The following CACNA1B variants were observed in gnomAD, a reference collection of about 807,000 sequenced individuals.
CACNA1B encodes voltage-dependent N-type calcium channel subunit alpha-1B.
CACNA1B carries 70 observed loss-of-function variants against 247.2 expected under a neutral mutation model. The ratio of observed to expected loss-of-function variants is 0.28; its 90% confidence interval spans 0.23 to 0.35. The LOEUF is 0.35. CACNA1B is among the 10% of genes least tolerant of loss of function. The pLI, the probability that CACNA1B is intolerant of heterozygous loss-of-function variation, is 1.00. For synonymous variants in CACNA1B, 1,231 were observed against 1,294.4 expected (o/e 0.95, Z 1.05); for missense variants, 2,367 against 3,197.4 (o/e 0.74, Z 6.26).
chr9:137,969,706 G>A (rs916119708), intron 10 of CACNA1B, among the ~76,000 whole-genome samples: 1 of 152,202 alleles, frequency 6.6e-6, no homozygotes, highest in Non-Finnish European at 1.5e-5. Flanking sequence ...TCAAAAGTGA[G>A]CGTGGTCAGG....
At chr9:138,006,716 GT>G in intron 15 of CACNA1B, 50 bp from the exon 16 acceptor site, 1 of 1,016,762 alleles carries the variant, frequency 9.8e-7, no homozygotes, top group Non-Finnish European at 1.6e-6. Context: ...GTGCGTGTGT[GT>G]GGGGAAGGCG....
rs199752366 is a variant in CACNA1B at position 138,121,036 on chromosome 9, C to T, written c.6489+155C>T. Among the ~76,000 whole-genome samples the T allele has an allele frequency of 5.3e-5, 8 of 152,190 alleles. No homozygotes were observed. The highest frequency in any genetic ancestry group is 4.1e-4 in the South Asian group (2 of 4,820). On this transcript the variant is annotated intron_variant, in intron 46 of 46. Transcript: ENST00000371372. The surrounding 1 kb of genome is among the most constrained non-coding windows in gnomAD (Gnocchi z 6.8). ...GGGCGCTCCCCTCTGTGCCCTGTCC[C>T]GGAGCCCACGTCTGCAGCCTACCCC...
At chr9:138,112,547 C>G (rs1287064551) in intron 40 of CACNA1B, 42 bp downstream of exon 40, 3 of 1,306,284 alleles carry the variant, frequency 2.3e-6, no homozygotes, top group Middle Eastern at 3.7e-4. Context: ...CCCACCTTTA[C>G]TGTCCCACCC....
chr9:137,977,716 C>T (rs73669812), intron 12 of CACNA1B, among the ~76,000 whole-genome samples: 1,630 of 152,244 alleles, frequency 0.011, 30 homozygotes, highest in African/African-American at 0.037. Context: ...GCACGCCGCC[C>T]CCTGAGGGAG....
chr9:138,043,920 GGT>G lies in CACNA1B; in HGVS notation c.3413+28_3413+29del. 1 of 1,609,770 alleles carries G rather than the reference GGT, an allele frequency of 6.2e-7. No homozygotes were observed. Among genetic ancestry groups the G allele is most frequent in the Non-Finnish European group, 8.5e-7 (1 of 1,176,528 alleles). Reference sequence around the variant, plus strand: ...CAACCTGTGAGTCTCCTTGCCTGCTGGTGTGTGTGGCCGCCCACTCACCCATG... The same window carrying G: ...CAACCTGTGAGTCTCCTTGCCTGCTGGTGTGTGGCCGCCCACTCACCCATG... On this transcript the variant is annotated intron_variant, in intron 21 of 46. Transcript: ENST00000371372.
rs1564887245 is a variant in CACNA1B, at chr9:137,914,940, G to A, written c.775+134G>A. 7.3e-6 allele frequency: 6 copies of A among 818,474 alleles called. No homozygotes were observed. The highest frequency in any genetic ancestry group is 1.1e-5 in the Non-Finnish European group (6 of 536,068). The allele number at this position is 818,474 out of a possible 1,614,324, so 50.7% of individuals were successfully genotyped here. A position where few individuals can be genotyped will look rare whatever the true frequency, so the allele number is the denominator to read the frequency against. Reference sequence around the variant, plus strand: ...GAGGTGGAGCTGACATTCTAGTGGGGGACATAGACGATAGCCTGATAAACA... The same window carrying A: ...GAGGTGGAGCTGACATTCTAGTGGGAGACATAGACGATAGCCTGATAAACA... On this transcript the variant is annotated intron_variant, in intron 5 of 46. Transcript: ENST00000371372. The surrounding 1 kb of genome is among the most constrained non-coding windows in gnomAD (Gnocchi z 4.3).
In CACNA1B at chr9:138,078,120, C is replaced by T; in HGVS notation, c.4956C>T (p.Ala1652=). The change falls in exon 36 of 47, where the codon GCC becomes GCT. Residue 1652 remains alanine (A), a synonymous_variant. Coordinates refer to ENST00000371372, the MANE Select transcript of CACNA1B (RefSeq NM_000718.4). ...ACTCTGCCCTTCTTCTCAGGAGCGC[C>T]ACGGGGGAGGCCTGGCACGAGATCA... The part of the protein sequence containing the change: ...LQALMLLFRS[A]TGEAWHEIML... The T allele has an allele frequency of 4.3e-6, 7 of 1,613,686 alleles. No homozygotes were observed. The highest frequency in any genetic ancestry group is 5.9e-6 in the Non-Finnish European group (7 of 1,179,726).
intron 36 of CACNA1B, among the ~76,000 whole-genome samples, chr9:138,082,791 A>G (rs1960566516): frequency 6.6e-6 from 1 of 151,318 alleles, no homozygotes; most frequent in East Asian, 2.0e-4. Context: ...AAGACAGAAC[A>G]ATGAACAAAA....
chr9:137,984,170 G>T lies in CACNA1B; in HGVS notation c.1689G>T (p.Trp563Cys), dbSNP rs575951400. 1 of 1,603,222 alleles carries T rather than the reference G, an allele frequency of 6.2e-7. No homozygotes were observed. The highest frequency in any genetic ancestry group is 1.1e-5 in the South Asian group (1 of 88,520). The change falls in exon 13 of 47, where the codon TGG becomes TGT. Residue 563 changes from tryptophan (W) to cysteine (C), a missense_variant. Physicochemically the swap from Trp to Cys is radical, Grantham distance 215. Coordinates refer to ENST00000371372, the MANE Select transcript of CACNA1B (RefSeq NM_000718.4). Reference protein sequence around the residue: ...VIVGSVFEVVWAAIKPGSSFG... With the variant: ...VIVGSVFEVVCAAIKPGSSFG... The stretch of plus-strand genomic sequence containing the variant: ...TGGGGAGCGTCTTTGAAGTGGTCTG[G>T]GCGGCCATCAAGCCGGGAAGCTCCT...
intron 6 of CACNA1B, among the ~76,000 whole-genome samples, chr9:137,924,910 A>G (rs781440307): frequency 7.2e-5 from 11 of 152,226 alleles, no homozygotes; most frequent in Non-Finnish European, 1.6e-4. Context: ...TGTACCCTTC[A>G]TGGGATACTT....
In CACNA1B at chr9:137,899,284, G is replaced by A. The variant is rs1220687085; in HGVS notation, c.531-13896G>A. On this transcript the variant is annotated intron_variant, in intron 3 of 46. Coordinates refer to ENST00000371372, the MANE Select transcript of CACNA1B (RefSeq NM_000718.4). This position sits in a 1 kb window ranked among gnomAD's most constrained non-coding sequence, Gnocchi z 5.0. ...GTATTTTTTTTTTTAGTAGAGGTGG[G>A]GTTTCACCATGTTGGCCAGGCTGGT... 1.3e-5 allele frequency among the ~76,000 whole-genome samples: 2 copies of A among 151,734 alleles called. No individual in the cohort carries two copies. The highest frequency in any genetic ancestry group is 2.9e-5 in the Non-Finnish European group (2 of 67,922).
rs146523105 is a variant in CACNA1B, at chr9:137,960,926, C to T, written c.1333+3239C>T. On this transcript the variant is annotated intron_variant, in intron 10 of 46. Transcript: ENST00000371372. ...TTCTGATTGGGGTGAGATGATATCT[C>T]ATTTTGGTTTTGATTTGTATTTCTC... Among the ~76,000 whole-genome samples the T allele has an allele frequency of 2.6e-3, 388 of 152,118 alleles. 3 individuals carry two copies. Among genetic ancestry groups the T allele is most frequent in the African/African-American group, 8.7e-3 (361 of 41,478 alleles).
chr9:137,961,001 GTCTT>G lies in CACNA1B; in HGVS notation c.1333+3315_1333+3318del, dbSNP rs759679479. Among the ~76,000 whole-genome samples the G allele has an allele frequency of 5.3e-5, 8 of 152,128 alleles. No individual in the cohort carries two copies. The East Asian group carries it at 1.3e-3, about 26-fold the overall frequency. On this transcript the variant is annotated intron_variant, in intron 10 of 46. Coordinates refer to ENST00000371372, the MANE Select transcript of CACNA1B (RefSeq NM_000718.4). ...TTTCATGTTTGTTGGCCACACGTAT[GTCTT>G]CTTTTGAGAAGTGTCCGTTCATGGC... is the stretch of plus-strand genomic sequence containing the variant.
At chr9:137,926,308 T>C (rs1465119185) in intron 6 of CACNA1B, among the ~76,000 whole-genome samples, 1 of 152,126 alleles carries the variant, frequency 6.6e-6, no homozygotes, top group Non-Finnish European at 1.5e-5. Flanking sequence ...GACCTCGTGA[T>C]CCACCTGCCT....
At chr9:137,892,027 C>T (rs758529167) in intron 3 of CACNA1B, 12 of 457,096 alleles carry the variant, frequency 2.6e-5, no homozygotes, top group Middle Eastern at 3.2e-4. Flanking sequence ...ACTCAGTGTG[C>T]GGCCTCTGTG....
chr9:137,937,947 C>CAAA lies in CACNA1B; in HGVS notation c.967-14298_967-14296dup, dbSNP rs57680122. ...GGGCAACAAGAATGAAACTCTGTCT[C>CAAA]AAAAAAAAAAAAAAAAAAAAAAAAA... On this transcript the variant is annotated intron_variant, in intron 6 of 46. Coordinates refer to ENST00000371372, the MANE Select transcript of CACNA1B (RefSeq NM_000718.4). Among the ~76,000 whole-genome samples the CAAA allele has an allele frequency of 5.6e-3, 122 of 21,908 alleles. 3 individuals are homozygous for CAAA. Among genetic ancestry groups the CAAA allele is most frequent in the African/African-American group, 8.7e-3 (65 of 7,462 alleles). 14.4% of individuals were successfully genotyped at this position (21,908 alleles called of 152,430 possible).
chr9:138,013,305 C>T (rs1958749300), intron 18 of CACNA1B, 70 bp downstream of exon 18: 3 of 1,160,804 alleles, frequency 2.6e-6, no homozygotes, highest in Non-Finnish European at 3.6e-6. Flanking sequence ...TGGGCCCTCC[C>T]CAGGGCACCC....
chr9:138,098,122 C>T lies in CACNA1B; in HGVS notation c.5222+1511C>T, dbSNP rs190139713. On this transcript the variant is annotated intron_variant, in intron 37 of 46. Transcript: ENST00000371372. ...CAGTTTTTACGCAGTGCAAAACAGA[C>T]GTAGAGATTGTCTGTGTTTCACAGT... Among the ~76,000 whole-genome samples the T allele has an allele frequency of 1.8e-3, 271 of 152,140 alleles. 1 individual carries two copies. The highest frequency in any genetic ancestry group is 4.1e-3 in the Admixed American group (63 of 15,292).
intron 39 of CACNA1B, among the ~76,000 whole-genome samples, chr9:138,110,373 C>T (rs933201173): frequency 6.6e-5 from 10 of 152,062 alleles, no homozygotes; most frequent in Non-Finnish European, 1.0e-4. Context: ...CCTTGGCCTC[C>T]CATAGTGCTG....
Sources: gnomAD v4.1 joint callset for allele counts (sites outside exome capture counted in the v4.1 genomes callset) on GRCh38, gnomAD v4.1.1 for gene constraint, Gnocchi (gnomAD v3.1) non-coding constraint, MANE v1.5 for transcripts, NCBI Gene and HGNC (gene_info 2026-07-23, HGNC 2026-07-21) for gene names.